Variants in DPP6 observed in about 807,000 individuals in gnomAD.
DPP6 encodes the protein dipeptidyl peptidase like 6.
A neutral mutation model predicts 122.6 loss-of-function variants in DPP6; 69 were observed. The ratio of observed to expected loss-of-function variants is 0.56; its 90% CI spans 0.46 to 0.69. The LOEUF is 0.69. DPP6 is among the 30% of genes least tolerant of loss of function. The probability of loss-of-function intolerance (pLI) is 0.00; values close to 1 mark genes in which losing one functional copy is unlikely to be tolerated. For synonymous variants in DPP6, 418 were observed against 433.1 expected, an observed-to-expected ratio of 0.97 and a Z score of 0.43; for missense variants, 928 against 1,116.9, an observed-to-expected ratio of 0.83 and a Z score of 2.41.
At chr7:153,902,951 T>A (rs772197455) in intron 1 of DPP6, among the ~76,000 whole-genome samples, 6 of 152,168 alleles carry the variant, frequency 3.9e-5, no homozygotes, top group Non-Finnish European at 8.8e-5. Flanking sequence ...ATTTCTAGCT[T>A]GTATTAGTCC....
the DPP6 span, among the ~76,000 whole-genome samples, chr7:153,755,634 C>T: frequency 1.3e-5 from 2 of 152,136 alleles, no homozygotes; most frequent in African/African-American, 4.8e-5. Flanking sequence ...CCTTCTGGGG[C>T]ATTTCATCCT....
intron 1 of DPP6, among the ~76,000 whole-genome samples, chr7:154,297,983 C>T (rs1805653097): frequency 6.6e-6 from 1 of 152,292 alleles, no homozygotes; most frequent in Non-Finnish European, 1.5e-5. Flanking sequence ...CGACATGTTG[C>T]TGTGGAGTTT....
rs563190115 is a variant in DPP6 at position 154,746,200 on chromosome 7, G to T, written c.883+18313G>T. On this transcript the variant is annotated intron_variant, in intron 8 of 25. Transcript: ENST00000377770. ...TCTTTGTGGGGAGACATGTCATTGG[G>T]CCTCTGAGTTCCAAAGACACAACCT... 2.4e-4 allele frequency among the ~76,000 whole-genome samples: 36 copies of T among 152,264 alleles called. No individual in the cohort carries two copies. In the South Asian group the frequency reaches 7.5e-3, roughly 32 times the overall value.
chr7:154,482,297 G>C (rs554936578), intron 3 of DPP6, among the ~76,000 whole-genome samples: 87 of 152,204 alleles, frequency 5.7e-4, no homozygotes, highest in African/African-American at 2.0e-3. Flanking sequence ...TGGCAATGAA[G>C]GGGGCAAAGG....
chr7:154,556,143 T>C (rs1413221459), intron 4 of DPP6, among the ~76,000 whole-genome samples: 2 of 152,218 alleles, frequency 1.3e-5, no homozygotes, highest in Non-Finnish European at 2.9e-5. Context: ...ATGACAATAA[T>C]AGCTAACGCT....
At chr7:154,607,375 C>A (rs576705884) in intron 5 of DPP6, among the ~76,000 whole-genome samples, 2 of 115,680 alleles carry the variant, frequency 1.7e-5, no homozygotes, top group Non-Finnish European at 3.8e-5. Context: ...CTGGCTAACA[C>A]GCTGAAACCC....
chr7:154,370,860 G>C (rs956588630), intron 1 of DPP6, among the ~76,000 whole-genome samples: 1 of 152,170 alleles, frequency 6.6e-6, no homozygotes. Flanking sequence ...AGGAAAGTGA[G>C]TGCGGATTTC....
chr7:153,868,395 T>G, the DPP6 span, among the ~76,000 whole-genome samples: 436 of 152,144 alleles, frequency 2.9e-3, 4 homozygotes, highest in African/African-American at 9.8e-3. Context: ...TGTATGTGTC[T>G]AGGAATTTAT....
the DPP6 span, among the ~76,000 whole-genome samples, chr7:153,833,438 C>T: frequency 6.6e-6 from 1 of 152,198 alleles, no homozygotes; most frequent in Admixed American, 6.5e-5. Context: ...CTTTGGGAGG[C>T]TGAGGCGGGC....
intron 1 of DPP6, among the ~76,000 whole-genome samples, chr7:154,352,751 G>A (rs1009755793): frequency 6.6e-6 from 1 of 152,132 alleles, no homozygotes; most frequent in Non-Finnish European, 1.5e-5. Flanking sequence ...TAGATGATGG[G>A]TTGACAGGTG....
intron 1 of DPP6, among the ~76,000 whole-genome samples, chr7:154,000,395 TG>T (rs1563089506): frequency 6.6e-6 from 1 of 152,136 alleles, no homozygotes; most frequent in Non-Finnish European, 1.5e-5. Context: ...GAGAGCAGGA[TG>T]AAATCAATGA....
At chr7:154,867,003 G>A (rs1389467678) in intron 17 of DPP6, among the ~76,000 whole-genome samples, 1 of 151,118 alleles carries the variant, frequency 6.6e-6, no homozygotes, top group East Asian at 1.9e-4. Context: ...TTTTTTCAAG[G>A]GAGTTATATG....
chr7:154,817,799 G>A lies in DPP6; in HGVS notation c.1666+10687G>A, dbSNP rs143816805. Among the ~76,000 whole-genome samples, 21 of 43,062 alleles carry A rather than the reference G, an allele frequency of 4.9e-4. 1 individual carries two copies. The highest frequency in any genetic ancestry group is 0.011 in the Middle Eastern group (1 of 92). 28.3% of individuals were successfully genotyped at this position (43,062 alleles called of 152,430 possible). A position where few individuals can be genotyped will look rare whatever the true frequency, so the allele number is the denominator to read the frequency against. ...GGATGATGTCATGAATGTCCTGAGT[G>A]ATTAATGACATGAGCATCATGAGTG... On this transcript the variant is annotated intron_variant, in intron 16 of 25. Coordinates refer to ENST00000377770, the MANE Select transcript of DPP6 (RefSeq NM_130797.4).
At chr7:153,943,153 A>T (rs1380112645) in intron 1 of DPP6, among the ~76,000 whole-genome samples, 2 of 152,172 alleles carry the variant, frequency 1.3e-5, no homozygotes, top group Admixed American at 1.3e-4. Flanking sequence ...AAGGACCCAG[A>T]GTCAATGATT....
At chr7:154,383,679 C>G (rs1255568320) in intron 1 of DPP6, among the ~76,000 whole-genome samples, 1 of 152,068 alleles carries the variant, frequency 6.6e-6, no homozygotes, top group South Asian at 2.1e-4. Flanking sequence ...CACCTGAGGT[C>G]AGGAGTTCGA....
chr7:154,797,872 G>A (rs1280470046), intron 12 of DPP6, among the ~76,000 whole-genome samples: 1 of 152,236 alleles, frequency 6.6e-6, no homozygotes, highest in African/African-American at 2.4e-5. Flanking sequence ...TAGACAGGGA[G>A]ATGAGATGTT....
At chr7:154,313,715 A>ATATATATATACG (rs1563460487) in intron 1 of DPP6, among the ~76,000 whole-genome samples, 2 of 35,808 alleles carry the variant, frequency 5.6e-5, no homozygotes, top group Admixed American at 6.0e-4. Flanking sequence ...ATATATATAT[A>ATATATATATACG]CACACACACG....
intron 1 of DPP6, among the ~76,000 whole-genome samples, chr7:154,205,472 C>T (rs540048099): frequency 6.6e-6 from 1 of 152,314 alleles, no homozygotes; most frequent in East Asian, 1.9e-4. Context: ...TTCCTCTTGG[C>T]ATATTTCTCT....
intron 2 of DPP6, among the ~76,000 whole-genome samples, chr7:154,473,438 A>G (rs1396801331): frequency 1.3e-5 from 2 of 152,196 alleles, no homozygotes; most frequent in Non-Finnish European, 2.9e-5. Flanking sequence ...TGTAATTTTC[A>G]AAAGACTGCT....
Sources: allele counts gnomAD v4.1 joint callset (sites outside exome capture counted in the v4.1 genomes callset), GRCh38; gene constraint gnomAD v4.1.1; transcripts MANE v1.5; gene names NCBI Gene and HGNC (gene_info 2026-07-23, HGNC 2026-07-21).